The following SYCP2 variants were observed in gnomAD, a reference collection of about 807,000 sequenced individuals.
The protein encoded by SYCP2 is synaptonemal complex lateral element protein.
In SYCP2, 55 loss-of-function variants were observed where a neutral mutation model predicts 211.3. The observed-to-expected ratio is 0.26, with a 90% CI of 0.21 to 0.33. The LOEUF (loss-of-function observed/expected upper bound fraction) is 0.33, where lower values mean the gene tolerates loss of function less well. SYCP2 is among the 10% of genes least tolerant of loss of function. SYCP2 has a pLI of 1.00. For missense variants in SYCP2, 1,731 were observed against 1,752.0 expected, an observed-to-expected ratio of 0.99 and a Z score of 0.21; for synonymous variants, 570 against 555.2, an observed-to-expected ratio of 1.03 and a Z score of -0.37.
At chr20:59,926,259 G>A (rs1170335461) in intron 2 of SYCP2, among the ~76,000 whole-genome samples, 3 of 152,026 alleles carry the variant, frequency 2.0e-5, no homozygotes, top group Non-Finnish European at 4.4e-5. Context: ...TTAACAAAGT[G>A]CCACAAACTG....
intron 14 of SYCP2, among the ~76,000 whole-genome samples, chr20:59,909,994 A>C (rs182905432): frequency 9.2e-5 from 14 of 152,316 alleles, no homozygotes; most frequent in East Asian, 7.7e-4. Flanking sequence ...AGAACTAAGA[A>C]AGACCTAAGA....
chr20:59,883,872 T>C (rs141669990), intron 26 of SYCP2, among the ~76,000 whole-genome samples: 1 of 152,144 alleles, frequency 6.6e-6, no homozygotes, highest in East Asian at 1.9e-4. Flanking sequence ...CAACCTATTA[T>C]ATTTGGGATA....
At position 59,886,839 on chromosome 20, in the gene SYCP2, A is replaced by G; in HGVS notation, c.2365-5T>C. On this transcript the variant is annotated splice_region_variant and splice_polypyrimidine_tract_variant and intron_variant, in intron 24 of 44. Coordinates refer to ENST00000357552, the MANE Select transcript of SYCP2 (RefSeq NM_014258.4). ...TTTCCCTTTTGACTTTTCTCTCTGA[A>G]AAAAATTGTAAGTTACTTTTAAACT... is the stretch of plus-strand genomic sequence containing the variant. 1 of 1,564,468 alleles carries G rather than the reference A, an allele frequency of 6.4e-7. No individual in the cohort carries two copies. Among genetic ancestry groups the G allele is most frequent in the Admixed American group, 2.1e-5 (1 of 47,908 alleles).
chr20:59,927,272 C>T (rs898581558), intron 2 of SYCP2, among the ~76,000 whole-genome samples: 2 of 152,112 alleles, frequency 1.3e-5, no homozygotes, highest in African/African-American at 4.8e-5. Context: ...ATCTTGCAAC[C>T]TTAATGTTCC....
intron 14 of SYCP2, among the ~76,000 whole-genome samples, chr20:59,911,157 T>G (rs531075467): frequency 1.3e-5 from 2 of 152,306 alleles, no homozygotes; most frequent in South Asian, 4.1e-4. Flanking sequence ...GAGCTAAATG[T>G]ATGCAAATGT....
chr20:59,896,320 T>G (rs2060006510), intron 19 of SYCP2, 109 bp downstream of exon 19: 1 of 606,572 alleles, frequency 1.6e-6, no homozygotes, highest in East Asian at 2.8e-5. Context: ...TTATCAATTT[T>G]TATACACCAA....
intron 15 of SYCP2, among the ~76,000 whole-genome samples, chr20:59,906,933 T>C (rs1193956309): frequency 2.6e-5 from 4 of 152,092 alleles, no homozygotes; most frequent in Non-Finnish European, 5.9e-5. Flanking sequence ...AAAATGCAAA[T>C]AAAAAACATG....
intron 24 of SYCP2, among the ~76,000 whole-genome samples, chr20:59,891,437 A>AG (rs144670227): frequency 0.018 from 2,738 of 152,094 alleles, 85 homozygotes; most frequent in African/African-American, 0.063. Context: ...TGAAAAAGAA[A>AG]GTGGGAGCTC....
chr20:59,896,591 A>C (rs760506731), intron 18 of SYCP2, 63 bp from the exon 19 acceptor site: 5 of 846,472 alleles, frequency 5.9e-6, no homozygotes, highest in Admixed American at 2.0e-5. Context: ...ATATCCTACA[A>C]TTTTACTTAT....
intron 14 of SYCP2, among the ~76,000 whole-genome samples, chr20:59,908,739 A>G (rs918924417): frequency 1.3e-5 from 2 of 152,152 alleles, no homozygotes; most frequent in African/African-American, 2.4e-5. Context: ...AGTATGTTGT[A>G]GCAATTTTGT....
rs561354933 is a variant in SYCP2 at position 59,912,286 on chromosome 20, G to A, written c.876+87C>T. 2.0e-5 allele frequency: 12 copies of A among 589,794 alleles called. No homozygotes were observed. The South Asian group carries it at 2.2e-4, about 11-fold the overall frequency. The allele number at this position is 589,794 out of a possible 1,614,324, so 36.5% of individuals were successfully genotyped here. On this transcript the variant is annotated intron_variant, in intron 13 of 44. Transcript: ENST00000357552. ...CATGATCTAATTACAACTATTTTTA[G>A]TGTTCTTATTCATTTTTAACTCATA...
At chr20:59,872,035 A>G (rs1206685867) in intron 35 of SYCP2, among the ~76,000 whole-genome samples, 1 of 151,810 alleles carries the variant, frequency 6.6e-6, no homozygotes. Context: ...TGCCTTGGGG[A>G]TTATTTGGGA....
chr20:59,892,244 C>G lies in SYCP2; in HGVS notation c.2110G>C (p.Gly704Arg). 6.2e-7 allele frequency: 1 copy of G among 1,612,814 alleles called. No homozygotes were observed. Among genetic ancestry groups the G allele is most frequent in the Non-Finnish European group, 8.5e-7 (1 of 1,179,260 alleles). Reference protein sequence around the residue: ...NQQQNHPKYSGQKNTENAKQS... With the variant: ...NQQQNHPKYSRQKNTENAKQS... ...TTGGCATTTTCAGTATTTTTCTGCCCTGAATATTTAGGATGATTTTGTTGC... is the reference window on the plus strand; with the variant it reads ...TTGGCATTTTCAGTATTTTTCTGCCGTGAATATTTAGGATGATTTTGTTGC... Residue 704 changes from glycine (G) to arginine (R), a missense_variant, in exon 24 of 45, where the codon GGG becomes CGG. Gly to Arg is a moderately radical substitution (Grantham distance 125). Coordinates refer to ENST00000357552, the MANE Select transcript of SYCP2 (RefSeq NM_014258.4).
intron 24 of SYCP2, among the ~76,000 whole-genome samples, chr20:59,889,957 G>A (rs1381800137): frequency 6.6e-6 from 1 of 152,144 alleles, no homozygotes; most frequent in East Asian, 1.9e-4. Context: ...ACACTGTTGG[G>A]AGTGTAAATT....
At chr20:59,875,211 A>G (rs6070989) in intron 34 of SYCP2, 60 bp downstream of exon 34, 27,811 of 1,086,164 alleles carry the variant, frequency 0.026, 428 homozygotes, top group Middle Eastern at 0.038. Flanking sequence ...ATTTTCCCAT[A>G]ATTAGAGTTA....
intron 26 of SYCP2, among the ~76,000 whole-genome samples, chr20:59,882,630 C>A (rs151129858): frequency 5.4e-4 from 82 of 152,178 alleles, no homozygotes; most frequent in African/African-American, 1.9e-3. Flanking sequence ...TCACTTGTAG[C>A]AACATGGATG....
rs2059509885 is a variant in SYCP2, at chr20:59,874,163, A to C, written c.3350-102T>G. The C allele has an allele frequency of 1.4e-5, 8 of 565,260 alleles. No homozygotes were observed. The South Asian group carries it at 2.9e-4, about 20-fold the overall frequency. The allele number at this position is 565,260 out of a possible 1,614,324, so 35.0% of individuals were successfully genotyped here. ...AATTTAAATTCTAAGAATTTGTCAG[A>C]TCTTCAAATCTTAGCTATAAAAAAG... On this transcript the variant is annotated intron_variant, in intron 34 of 44. Coordinates refer to ENST00000357552, the MANE Select transcript of SYCP2 (RefSeq NM_014258.4).
intron 15 of SYCP2, among the ~76,000 whole-genome samples, chr20:59,904,672 T>C (rs2060181613): frequency 6.6e-6 from 1 of 152,154 alleles, no homozygotes; most frequent in South Asian, 2.1e-4. Flanking sequence ...AACAGATCTT[T>C]TTAGAAGAAG....
rs534495692 is a variant in SYCP2 at position 59,864,308 on chromosome 20, A to T, written c.*3T>A. 1.2e-5 allele frequency: 19 copies of T among 1,583,694 alleles called. No homozygotes were observed. In the Admixed American group the frequency reaches 2.3e-4, roughly 19 times the overall value. ...GATAAAGTATGGTGATAAAAACTAG[A>T]TTTCACACATTAGCATTTCTTTCAT... On this transcript the variant is annotated 3_prime_UTR_variant, in exon 45 of 45. Coordinates refer to ENST00000357552, the MANE Select transcript of SYCP2 (RefSeq NM_014258.4).
Sources: gnomAD v4.1 joint callset for allele counts (sites outside exome capture counted in the v4.1 genomes callset) on GRCh38, gnomAD v4.1.1 for gene constraint, MANE v1.5 for transcripts, NCBI Gene and HGNC (gene_info 2026-07-23, HGNC 2026-07-21) for gene names.